IQCM: variants seen among roughly 807,000 people sequenced by gnomAD.
IQCM encodes IQ domain-containing protein M.
Under a neutral mutation model 57.6 loss-of-function variants are expected in IQCM, and 45 were observed. That is an observed-to-expected ratio of 0.78 (90% confidence interval 0.62 to 1.00). The LOEUF (loss-of-function observed/expected upper bound fraction) is 1.00, where lower values mean the gene tolerates loss of function less well. IQCM is among the 50% of genes least tolerant of loss of function. The pLI is 0.00. For missense variants in IQCM, 468 were observed against 511.6 expected (o/e 0.91, Z 0.82); for synonymous variants, 148 against 158.9 (o/e 0.93, Z 0.51).
At chr4:149,623,497 C>T (rs927048446) in intron 7 of IQCM, among the ~76,000 whole-genome samples, 1 of 152,208 alleles carries the variant, frequency 6.6e-6, no homozygotes. Flanking sequence ...TCAAGGTAAT[C>T]ATTCACATAC....
chr4:149,548,692 A>T (rs770836766), intron 11 of IQCM, 103 bp from the exon 12 acceptor site: 1 of 515,254 alleles, frequency 1.9e-6, no homozygotes, highest in Non-Finnish European at 3.0e-6. Context: ...AGTCTCCATG[A>T]TTAGTCTAGC....
intron 13 of IQCM, among the ~76,000 whole-genome samples, chr4:149,356,599 T>C (rs1361818703): frequency 6.6e-6 from 1 of 152,204 alleles, no homozygotes; most frequent in Non-Finnish European, 1.5e-5. Context: ...GTTTCATTGG[T>C]CTATATCTCT....
At chr4:149,498,025 T>C (rs754299180) in intron 12 of IQCM, among the ~76,000 whole-genome samples, 4 of 152,154 alleles carry the variant, frequency 2.6e-5, no homozygotes, top group African/African-American at 7.2e-5. Context: ...AGATATATTA[T>C]TGGAAAAGTT....
intron 12 of IQCM, among the ~76,000 whole-genome samples, chr4:149,536,134 A>G (rs1747268965): frequency 6.6e-6 from 1 of 152,010 alleles, no homozygotes; most frequent in South Asian, 2.1e-4. Flanking sequence ...TCTAGGGAAA[A>G]GGGTTTAAAA....
chr4:149,463,023 A>G (rs1289382443), intron 12 of IQCM, among the ~76,000 whole-genome samples: 1 of 152,212 alleles, frequency 6.6e-6, no homozygotes, highest in Non-Finnish European at 1.5e-5. Context: ...TATTGCATTG[A>G]AAAGACCATT....
chr4:149,799,151 T>C (rs1266150657), intron 2 of IQCM, among the ~76,000 whole-genome samples: 1 of 151,766 alleles, frequency 6.6e-6, no homozygotes, highest in Non-Finnish European at 1.5e-5. Flanking sequence ...GCATCTTCTC[T>C]ATCCACAATG....
chr4:149,368,786 ATATATATACATATATATACATG>A lies in IQCM; in HGVS notation c.1391-16742_1391-16721del, dbSNP rs1413498563. On this transcript the variant is annotated intron_variant, in intron 13 of 13. Coordinates refer to ENST00000636793, the MANE Select transcript of IQCM (RefSeq NM_001363507.2). Reference sequence around the variant, plus strand: ...TATATATATACATATATATACATGTATATATATACATATATATACATGTATATATATACATATATATACATGT... The same window carrying A: ...TATATATATACATATATATACATGTATATATATATACATATATATACATGT... Among the ~76,000 whole-genome samples, 42 of 114,084 alleles carry A rather than the reference ATATATATACATATATATACATG, an allele frequency of 3.7e-4. 6 individuals are homozygous for A. The highest frequency in any genetic ancestry group is 1.2e-3 in the African/African-American group (38 of 31,872). The allele number at this position is 114,084 out of a possible 152,430, so 74.8% of individuals were successfully genotyped here.
At chr4:149,595,573 G>A (rs922998458) in intron 8 of IQCM, among the ~76,000 whole-genome samples, 1 of 152,140 alleles carries the variant, frequency 6.6e-6, no homozygotes, top group African/African-American at 2.4e-5. Flanking sequence ...GAAGAAGTCA[G>A]TCATGTCCCT....
At chr4:149,436,481 A>C (rs1052868558) in intron 12 of IQCM, among the ~76,000 whole-genome samples, 2 of 152,108 alleles carry the variant, frequency 1.3e-5, no homozygotes, top group African/African-American at 4.8e-5. Context: ...AGTCTTGCTA[A>C]TTCCCCATTT....
intron 10 of IQCM, among the ~76,000 whole-genome samples, chr4:149,554,187 C>T (rs940558389): frequency 2.0e-5 from 3 of 152,014 alleles, no homozygotes; most frequent in Non-Finnish European, 2.9e-5. Context: ...TTTTGCATAC[C>T]GTATTATAAA....
At chr4:149,501,101 G>A (rs543372892) in intron 12 of IQCM, among the ~76,000 whole-genome samples, 31 of 152,206 alleles carry the variant, frequency 2.0e-4, no homozygotes, top group African/African-American at 6.7e-4. Flanking sequence ...TTGCTCACAT[G>A]CGGTTACTTC....
intron 13 of IQCM, among the ~76,000 whole-genome samples, chr4:149,370,576 T>C (rs922621732): frequency 6.7e-6 from 1 of 148,606 alleles, no homozygotes; most frequent in South Asian, 2.3e-4. Context: ...ACACACACTA[T>C]ACACACACAC....
intron 13 of IQCM, among the ~76,000 whole-genome samples, chr4:149,392,125 GT>G (rs34228770): frequency 0.35 from 51,347 of 146,036 alleles, 9,722 homozygotes; most frequent in East Asian, 0.5. Context: ...AATTTTGTCA[GT>G]TTTTTTTTTT....
intron 7 of IQCM, among the ~76,000 whole-genome samples, chr4:149,661,378 T>C (rs1346181917): frequency 2.0e-5 from 3 of 152,290 alleles, no homozygotes; most frequent in East Asian, 1.9e-4. Context: ...GTTGAGAATG[T>C]TTGCATCTAT....
chr4:149,648,873 T>C (rs1758898464), intron 7 of IQCM, among the ~76,000 whole-genome samples: 1 of 151,610 alleles, frequency 6.6e-6, no homozygotes, highest in Non-Finnish European at 1.5e-5. Flanking sequence ...GTTGTGCACA[T>C]GTACCCTAAA....
intron 12 of IQCM, among the ~76,000 whole-genome samples, chr4:149,478,779 T>C (rs1740478076): frequency 6.6e-6 from 1 of 152,150 alleles, no homozygotes; most frequent in South Asian, 2.1e-4. Context: ...AAAATACTGA[T>C]AGGTATGGAA....
intron 9 of IQCM, among the ~76,000 whole-genome samples, chr4:149,570,063 A>C (rs918948424): frequency 6.6e-6 from 1 of 151,970 alleles, no homozygotes; most frequent in African/African-American, 2.4e-5. Context: ...AAAAATGTTC[A>C]TATATATAAT....
intron 9 of IQCM, among the ~76,000 whole-genome samples, chr4:149,566,986 T>C (rs771373333): frequency 2.6e-5 from 4 of 152,184 alleles, no homozygotes; most frequent in African/African-American, 9.6e-5. Flanking sequence ...ACAGGTGGTA[T>C]ATTTTAAAAG....
intron 13 of IQCM, among the ~76,000 whole-genome samples, chr4:149,355,372 T>G (rs1179796485): frequency 1.3e-5 from 2 of 151,498 alleles, no homozygotes; most frequent in African/African-American, 4.9e-5. Context: ...TAGGTATATC[T>G]CCTAATGCTA....
Sources: allele counts gnomAD v4.1 joint callset (sites outside exome capture counted in the v4.1 genomes callset), GRCh38; gene constraint gnomAD v4.1.1; transcripts MANE v1.5; gene names NCBI Gene and HGNC (gene_info 2026-07-23, HGNC 2026-07-21).